The following GFOD1 variants were observed in gnomAD, a reference collection of about 807,000 sequenced individuals.
GFOD1 encodes the protein glucose-fructose oxidoreductase domain-containing protein 1.
GFOD1 carries 9 observed loss-of-function variants against 25.4 expected under a neutral mutation model. That is an observed-to-expected ratio of 0.35 (90% CI 0.21 to 0.62). GFOD1 has a LOEUF of 0.62. GFOD1 is among the 20% of genes least tolerant of loss of function. GFOD1 has a pLI of 0.72. For missense variants in GFOD1, 403 were observed against 556.9 expected (o/e 0.72, Z 2.78); for synonymous variants, 253 against 245.6 (o/e 1.03, Z -0.28).
intron 1 of GFOD1, among the ~76,000 whole-genome samples, chr6:13,438,093 T>C (rs923569806): frequency 3.3e-5 from 5 of 152,212 alleles, no homozygotes; most frequent in African/African-American, 9.6e-5. Flanking sequence ...CGATGTTATG[T>C]GATGAAGGGT....
chr6:13,476,824 C>T (rs911659024), intron 1 of GFOD1, among the ~76,000 whole-genome samples: 2 of 152,142 alleles, frequency 1.3e-5, no homozygotes, highest in Non-Finnish European at 2.9e-5. Context: ...AGGATATCAA[C>T]AATTCTCAAG....
chr6:13,394,157 CTTG>C (rs1028131013), intron 1 of GFOD1, among the ~76,000 whole-genome samples: 2 of 152,016 alleles, frequency 1.3e-5, no homozygotes, highest in South Asian at 2.1e-4. Context: ...AAAGATGTAC[CTTG>C]TTGTTAGTCA....
Position 13,439,383 on chromosome 6 carries a change from G to C in GFOD1, c.253+47255C>G, listed in dbSNP as rs372549331. Among the ~76,000 whole-genome samples the C allele has an allele frequency of 5.9e-5, 9 of 152,220 alleles. No individual in the cohort carries two copies. In the East Asian group the frequency reaches 9.6e-4, roughly 16 times the overall value. ...TCTCTGCAACAACACCATAGGCTTA[G>C]AGTATCTGACTGTCTCTGTCAAACA... is the stretch of plus-strand genomic sequence containing the variant. On this transcript the variant is annotated intron_variant, in intron 1 of 1. Transcript: ENST00000379287.
chr6:13,419,576 G>A (rs1170485190), intron 1 of GFOD1, among the ~76,000 whole-genome samples: 3 of 152,082 alleles, frequency 2.0e-5, no homozygotes, highest in Non-Finnish European at 4.4e-5. Flanking sequence ...CCCGCCTTCC[G>A]ATGGCTTTGA....
chr6:13,467,548 G>T (rs905678093), intron 1 of GFOD1, among the ~76,000 whole-genome samples: 2 of 152,184 alleles, frequency 1.3e-5, no homozygotes, highest in Non-Finnish European at 2.9e-5. Flanking sequence ...TGACTGAAAA[G>T]AAACCTGCCT....
chr6:13,436,863 G>A (rs1370615526), intron 1 of GFOD1, among the ~76,000 whole-genome samples: 3 of 152,170 alleles, frequency 2.0e-5, no homozygotes, highest in South Asian at 4.1e-4. Flanking sequence ...AATATGAAGC[G>A]AGATCATTTT....
chr6:13,389,426 T>C (rs985119225), intron 1 of GFOD1, among the ~76,000 whole-genome samples: 5 of 152,188 alleles, frequency 3.3e-5, no homozygotes, highest in Non-Finnish European at 5.9e-5. Flanking sequence ...TGGAATGCTA[T>C]GCAGCCATAA....
At chr6:13,402,349 G>A (rs1785863418) in intron 1 of GFOD1, among the ~76,000 whole-genome samples, 1 of 151,952 alleles carries the variant, frequency 6.6e-6, no homozygotes, top group Non-Finnish European at 1.5e-5. Context: ...GAACTTCATC[G>A]AAACAAAAAA....
At chr6:13,369,399 C>G (rs183651170) in intron 1 of GFOD1, among the ~76,000 whole-genome samples, 6 of 152,188 alleles carry the variant, frequency 3.9e-5, no homozygotes, top group Admixed American at 2.0e-4. Flanking sequence ...AAACTGGGAA[C>G]AGAGGTTGGA....
chr6:13,417,401 T>C (rs1460954487), intron 1 of GFOD1, among the ~76,000 whole-genome samples: 1 of 152,166 alleles, frequency 6.6e-6, no homozygotes, highest in Non-Finnish European at 1.5e-5. Context: ...GATCTGCCTG[T>C]CTCGGCCTCC....
At chr6:13,391,692 T>C (rs1206940131) in intron 1 of GFOD1, among the ~76,000 whole-genome samples, 1 of 152,208 alleles carries the variant, frequency 6.6e-6, no homozygotes, top group Non-Finnish European at 1.5e-5. Flanking sequence ...GACCAAGGGC[T>C]GAGTCTGACC....
At position 13,364,725 on chromosome 6, in the gene GFOD1, C is replaced by G; in HGVS notation, c.*18G>C. 5 of 1,590,704 alleles carry G rather than the reference C, an allele frequency of 3.1e-6. No homozygotes were observed. Among genetic ancestry groups the G allele is most frequent in the Non-Finnish European group, 4.3e-6 (5 of 1,165,224 alleles). On this transcript the variant is annotated 3_prime_UTR_variant, in exon 2 of 2. Transcript: ENST00000379287. This position sits in a 1 kb window ranked among gnomAD's most constrained non-coding sequence, Gnocchi z 4.1. ...ATCCCCTGCAGAAGGCTCAAGTCCCCGAGGTTCTCAATCTGTGCTAACAGT... is the reference window on the plus strand; with the variant it reads ...ATCCCCTGCAGAAGGCTCAAGTCCCGGAGGTTCTCAATCTGTGCTAACAGT...
chr6:13,451,905 C>T (rs757340359), intron 1 of GFOD1, among the ~76,000 whole-genome samples: 9 of 152,192 alleles, frequency 5.9e-5, no homozygotes, highest in Non-Finnish European at 7.3e-5. Context: ...CTCATGCAAA[C>T]GGGAAGCAGA....
At chr6:13,450,213 G>A (rs1388407409) in intron 1 of GFOD1, among the ~76,000 whole-genome samples, 3 of 152,204 alleles carry the variant, frequency 2.0e-5, no homozygotes, top group Admixed American at 2.0e-4. Context: ...GTGGGGCTGA[G>A]GGGGACGTAA....
intron 1 of GFOD1, among the ~76,000 whole-genome samples, chr6:13,390,788 G>GAAGGAAGGAAGGAAGGAAGA (rs1785584497): frequency 7.3e-6 from 1 of 137,884 alleles, no homozygotes; most frequent in Non-Finnish European, 1.5e-5. Context: ...AGAAAGGAAG[G>GAAGGAAGGAAGGAAGGAAGA]AAGGAAGGAA....
chr6:13,436,880 C>T (rs556375557), intron 1 of GFOD1, among the ~76,000 whole-genome samples: 15 of 152,286 alleles, frequency 9.8e-5, no homozygotes, highest in African/African-American at 3.4e-4. Context: ...TTTTATGTGA[C>T]ATTCTATCAA....
intron 1 of GFOD1, among the ~76,000 whole-genome samples, chr6:13,417,309 A>T (rs566132082): frequency 3.8e-4 from 58 of 152,202 alleles, no homozygotes; most frequent in African/African-American, 1.3e-3. Context: ...GCCCGCCACC[A>T]CGCCCGGCTA....
intron 1 of GFOD1, among the ~76,000 whole-genome samples, chr6:13,381,912 C>CGT (rs1380116449): frequency 5.4e-5 from 5 of 92,014 alleles, no homozygotes; most frequent in Admixed American, 3.7e-4. Context: ...CACACGCGCG[C>CGT]GCGCACACAC....
intron 1 of GFOD1, among the ~76,000 whole-genome samples, chr6:13,366,731 G>C (rs1311754169): frequency 6.6e-6 from 1 of 151,900 alleles, no homozygotes; most frequent in South Asian, 2.1e-4. Flanking sequence ...CTGGTCTTAA[G>C]TGGTCCCCTA....
Sources: allele counts gnomAD v4.1 joint callset (sites outside exome capture counted in the v4.1 genomes callset), GRCh38; gene constraint gnomAD v4.1.1; non-coding constraint Gnocchi (gnomAD v3.1); transcripts MANE v1.5; gene names NCBI Gene and HGNC (gene_info 2026-07-23, HGNC 2026-07-21).